The following NRP2 variants were observed in gnomAD, a reference collection of about 807,000 sequenced individuals.
NRP2 encodes the protein neuropilin-2.
Under a neutral mutation model 110.4 loss-of-function variants are expected in NRP2, and 52 were observed. That is an observed-to-expected ratio of 0.47 (90% CI 0.38 to 0.59). NRP2 has a LOEUF of 0.59. Ranked by LOEUF, NRP2 falls within the 20% of genes least tolerant of loss-of-function variation. The pLI, the probability that NRP2 is intolerant of heterozygous loss-of-function variation, is 0.00. For missense variants in NRP2, 1,049 were observed against 1,203.0 expected, an observed-to-expected ratio of 0.87 and a Z score of 1.89; for synonymous variants, 508 against 468.9, an observed-to-expected ratio of 1.08 and a Z score of -1.08.
At chr2:205,716,060 A>G (rs2056887625) in intron 2 of NRP2, 133 bp from the exon 3 acceptor site, 1 of 930,352 alleles carries the variant, frequency 1.1e-6, no homozygotes, top group Admixed American at 1.7e-5. Flanking sequence ...AAGCAGACAT[A>G]AGTGCCCTTC....
chr2:205,796,256 G>A lies in NRP2; in HGVS notation c.*1198G>A, dbSNP rs925979735. On this transcript the variant is annotated 3_prime_UTR_variant, in exon 17 of 17. Transcript: ENST00000357785. ...ACTAGTAAACACCGACTTCTCCTTT[G>A]GGTTACAAACACCATTTCAACCTTT... is the stretch of plus-strand genomic sequence containing the variant. 10 of 152,192 alleles carry A rather than the reference G, an allele frequency of 6.6e-5. No homozygotes were observed. Among genetic ancestry groups the A allele is most frequent in the African/African-American group, 2.4e-4 (10 of 41,428 alleles). The allele number at this position is 152,192 out of a possible 1,614,324, so 9.4% of individuals were successfully genotyped here. A position where few individuals can be genotyped will look rare whatever the true frequency, so the allele number is the denominator to read the frequency against.
chr2:205,734,989 C>T (rs1427884935), intron 7 of NRP2, among the ~76,000 whole-genome samples: 1 of 152,118 alleles, frequency 6.6e-6, no homozygotes, highest in East Asian at 1.9e-4. Context: ...TGCTGAAGCG[C>T]TACTCACATG....
chr2:205,719,470 A>G (rs1204676306), intron 3 of NRP2, among the ~76,000 whole-genome samples: 1 of 149,832 alleles, frequency 6.7e-6, no homozygotes, highest in African/African-American at 2.5e-5. Flanking sequence ...AGCAGAACAG[A>G]AACAAAAAAA....
intron 3 of NRP2, 71 bp downstream of exon 3, chr2:205,716,445 G>GC: frequency 2.0e-6 from 3 of 1,506,280 alleles, no homozygotes; most frequent in Non-Finnish European, 2.8e-6. Flanking sequence ...CACCCAGTGG[G>GC]CTGAGGCACT....
At position 205,716,288 on chromosome 2, in the gene NRP2, C is replaced by G; in HGVS notation, c.347C>G (p.Ser116Trp). ...ATCGCCCCGCCCACCATCATCTCCT[C>G]GGGCTCCATGCTCTACATCAAGTTC... ...GNIAPPTIIS[S>W]GSMLYIKFTS... The change falls in exon 3 of 17, where the codon TCG (serine) becomes TGG (tryptophan). Residue 116 changes from serine to tryptophan, a missense_variant. Ser to Trp is a radical substitution (Grantham distance 177). Transcript: ENST00000357785. The G allele has an allele frequency of 6.2e-7, 1 of 1,614,164 alleles. No individual in the cohort carries two copies. Among genetic ancestry groups the G allele is most frequent in the Non-Finnish European group, 8.5e-7 (1 of 1,180,034 alleles).
intron 12 of NRP2, chr2:205,759,744 A>C (rs1348462322): frequency 6.6e-6 from 1 of 152,142 alleles, no homozygotes; most frequent in Admixed American, 6.5e-5. Flanking sequence ...TGGTCTTTCT[A>C]TCCTTTTTGT....
intron 7 of NRP2, among the ~76,000 whole-genome samples, chr2:205,734,708 T>C (rs1213722258): frequency 1.3e-5 from 2 of 152,154 alleles, no homozygotes. Context: ...TTTTCCCCCT[T>C]CTTGAGTGTC....
At chr2:205,723,963 T>G (rs1376392500) in intron 5 of NRP2, 23 bp downstream of exon 5, 1 of 1,613,576 alleles carries the variant, frequency 6.2e-7, no homozygotes, top group East Asian at 2.2e-5. Context: ...ATTGGGAACC[T>G]CTGTCCTGTC....
At chr2:205,765,714 G>T in intron 14 of NRP2, 144 bp downstream of exon 14, 1 of 785,176 alleles carries the variant, frequency 1.3e-6, no homozygotes, top group South Asian at 1.3e-5. Flanking sequence ...TAAGGTGTGG[G>T]TGTAGTTGTG....
At chr2:205,787,998 A>G (rs950828746) in intron 15 of NRP2, among the ~76,000 whole-genome samples, 2 of 152,106 alleles carry the variant, frequency 1.3e-5, no homozygotes, top group African/African-American at 4.8e-5. Context: ...GTAGTGTTGC[A>G]ATGTATTGAC....
chr2:205,774,986 C>T (rs2058076440), intron 15 of NRP2, among the ~76,000 whole-genome samples: 1 of 152,052 alleles, frequency 6.6e-6, no homozygotes, highest in Non-Finnish European at 1.5e-5. Flanking sequence ...GCATCTTGAG[C>T]AGAGGGGGAC....
chr2:205,770,772 C>A (rs1275891933), intron 15 of NRP2, among the ~76,000 whole-genome samples: 2 of 152,170 alleles, frequency 1.3e-5, no homozygotes, highest in African/African-American at 4.8e-5. Flanking sequence ...TTGCCCCCAC[C>A]CCCTTATGTC....
At chr2:205,747,056 C>G (rs2105883464) in intron 10 of NRP2, among the ~76,000 whole-genome samples, 1 of 152,304 alleles carries the variant, frequency 6.6e-6, no homozygotes, top group Non-Finnish European at 1.5e-5. Context: ...AGAAAACCTC[C>G]CCCCGATACA....
At position 205,794,244 on chromosome 2, in the gene NRP2, G is replaced by A. The variant is rs1022926159; in HGVS notation, c.2477-510G>A. Among the ~76,000 whole-genome samples, 4 of 152,224 alleles carry A rather than the reference G, an allele frequency of 2.6e-5. No individual in the cohort carries two copies. In the East Asian group the frequency reaches 5.8e-4, roughly 22 times the overall value. On this transcript the variant is annotated intron_variant, in intron 16 of 16. Coordinates refer to ENST00000357785, the MANE Select transcript of NRP2 (RefSeq NM_003872.3). ...TCCTGCCTCAGCCTCCCAAGTAGCT[G>A]GGACTACAGGCGCCCGCCACCACGC...
intron 15 of NRP2, chr2:205,776,465 C>A: frequency 6.2e-7 from 1 of 1,612,402 alleles, no homozygotes. Flanking sequence ...AACGGGGCCC[C>A]TCTGGCGGTG....
chr2:205,776,100 G>A, intron 15 of NRP2: 1 of 827,920 alleles, frequency 1.2e-6, no homozygotes, highest in Non-Finnish European at 2.1e-6. Context: ...CTTGGCAGGT[G>A]CTAAGGACTG....
Position 205,725,551 on chromosome 2 carries a change from C to T in NRP2, c.821-362C>T, listed in dbSNP as rs2057110527. Among the ~76,000 whole-genome samples the T allele has an allele frequency of 6.6e-6, 1 of 152,196 alleles. No homozygotes were observed. The highest frequency in any genetic ancestry group is 1.5e-5 in the Non-Finnish European group (1 of 68,030). ...AGGCTTCCCACGATGTATGAGCTCA[C>T]CCAAATCGCCACGAGTCTATCTCAC... is the stretch of plus-strand genomic sequence containing the variant. On this transcript the variant is annotated intron_variant, in intron 5 of 16. Transcript: ENST00000357785. The surrounding 1 kb of genome is among the most constrained non-coding windows in gnomAD (Gnocchi z 4.1).
intron 2 of NRP2, among the ~76,000 whole-genome samples, chr2:205,712,134 C>A (rs1188399472): frequency 1.3e-5 from 2 of 152,136 alleles, no homozygotes; most frequent in African/African-American, 4.8e-5. Context: ...GACAAATGCT[C>A]ACCATGCAGA....
chr2:205,780,661 A>C (rs138271779), intron 15 of NRP2, among the ~76,000 whole-genome samples: 6 of 152,294 alleles, frequency 3.9e-5, no homozygotes, highest in Admixed American at 1.3e-4. Flanking sequence ...TCCGAGAACC[A>C]TCCTTAAAGG....
Sources: allele counts gnomAD v4.1 joint callset (sites outside exome capture counted in the v4.1 genomes callset), GRCh38; gene constraint gnomAD v4.1.1; non-coding constraint Gnocchi (gnomAD v3.1); transcripts MANE v1.5; gene names NCBI Gene and HGNC (gene_info 2026-07-23, HGNC 2026-07-21).